Variants in PCDHGB4 observed in about 807,000 individuals in gnomAD.
PCDHGB4 encodes protocadherin gamma-B4.
A neutral mutation model predicts 60.5 loss-of-function variants in PCDHGB4; 38 were observed. That is an observed-to-expected ratio of 0.63 (90% CI 0.48 to 0.82). PCDHGB4 has a LOEUF of 0.82. PCDHGB4 is among the 40% of genes least tolerant of loss of function. PCDHGB4 has a pLI of 0.00. For synonymous variants in PCDHGB4, 456 were observed against 509.7 expected, an observed-to-expected ratio of 0.89 and a Z score of 1.42; for missense variants, 1,109 against 1,209.6, an observed-to-expected ratio of 0.92 and a Z score of 1.23.
chr5:141,494,394 T>C (rs1437164389), intron 1 of PCDHGB4, among the ~76,000 whole-genome samples: 1 of 152,154 alleles, frequency 6.6e-6, no homozygotes, highest in African/African-American at 2.4e-5. Flanking sequence ...GTTGAATAAA[T>C]TCATTCTAGG....
chr5:141,480,077 C>T (rs767048249), intron 1 of PCDHGB4, among the ~76,000 whole-genome samples: 2 of 152,142 alleles, frequency 1.3e-5, no homozygotes, highest in Non-Finnish European at 2.9e-5. Flanking sequence ...AAGATTCATG[C>T]ATGATATAAT....
intron 1 of PCDHGB4, among the ~76,000 whole-genome samples, chr5:141,434,881 A>C (rs1221252749): frequency 6.6e-6 from 1 of 151,958 alleles, no homozygotes; most frequent in Non-Finnish European, 1.5e-5. Context: ...AGATACCAAC[A>C]ACAATCCAGT....
rs767515334 is a variant in PCDHGB4, at chr5:141,403,753, C to A, written c.2397+13472C>A. ...CCTGGCTGCTTACTGCAACAGCCAG[C>A]GACCTGGATGAGGGAATCAACGGAA... is the stretch of plus-strand genomic sequence containing the variant. On this transcript the variant is annotated intron_variant, in intron 1 of 3. Transcript: ENST00000519479. The A allele has an allele frequency of 1.9e-6, 3 of 1,613,502 alleles. No individual in the cohort carries two copies. The Admixed American group carries it at 5.0e-5, about 27-fold the overall frequency.
rs144585584 is a variant in PCDHGB4 at position 141,478,339 on chromosome 5, C to T, written c.2398-16468C>T. 998 of 1,613,918 alleles carry T rather than the reference C, an allele frequency of 6.2e-4. 16 individuals carry two copies. In the East Asian group the frequency reaches 0.019, roughly 31 times the overall value. Reference sequence around the variant, plus strand: ...CACTGTACCGAACACCAGGGCCCTCCTTGCACGCGGACGCCGTGCGGGGAG... The same window carrying T: ...CACTGTACCGAACACCAGGGCCCTCTTTGCACGCGGACGCCGTGCGGGGAG... On this transcript the variant is annotated intron_variant, in intron 1 of 3. Transcript: ENST00000519479.
rs529787438 is a variant in PCDHGB4 at position 141,470,330 on chromosome 5, G to A, written c.2398-24477G>A. Among the ~76,000 whole-genome samples the A allele has an allele frequency of 3.3e-4, 50 of 152,144 alleles. 1 individual carries two copies. The highest frequency in any genetic ancestry group is 1.1e-3 in the African/African-American group (47 of 41,498). ...TTTTCCTCAAATGATCCCATAATTT[G>A]ACCTTAGGAAGCTGTTCAAATAGAC... On this transcript the variant is annotated intron_variant, in intron 1 of 3. Coordinates refer to ENST00000519479, the MANE Select transcript of PCDHGB4 (RefSeq NM_003736.4).
chr5:141,457,972 A>AC (rs1198043621), intron 1 of PCDHGB4, among the ~76,000 whole-genome samples: 4 of 152,218 alleles, frequency 2.6e-5, no homozygotes, highest in African/African-American at 9.6e-5. Flanking sequence ...TTAAAGGGAA[A>AC]CACACCCTTT....
chr5:141,405,090 C>A, intron 1 of PCDHGB4: 1 of 1,613,950 alleles, frequency 6.2e-7, no homozygotes, highest in Non-Finnish European at 8.5e-7. Flanking sequence ...ACGCTGCTGG[C>A]CCTCAGGCTG....
Position 141,489,828 on chromosome 5 carries a change from A to G in PCDHGB4, c.2398-4979A>G. The G allele has an allele frequency of 1.9e-6, 3 of 1,614,010 alleles. No homozygotes were observed. The highest frequency in any genetic ancestry group is 1.1e-5 in the South Asian group (1 of 91,080). ...GGAAGCCATTCCCAGAGCTGGTGCTAGAGCAGCAGCTGGATCGTGAAGCCC... is the reference window on the plus strand; with the variant it reads ...GGAAGCCATTCCCAGAGCTGGTGCTGGAGCAGCAGCTGGATCGTGAAGCCC... On this transcript the variant is annotated intron_variant, in intron 1 of 3. Transcript: ENST00000519479. The surrounding 1 kb of genome is among the most constrained non-coding windows in gnomAD (Gnocchi z 4.5).
chr5:141,423,983 C>T, intron 1 of PCDHGB4: 5 of 1,107,052 alleles, frequency 4.5e-6, no homozygotes, highest in Non-Finnish European at 5.6e-6. Context: ...GTATGAGGCT[C>T]TCAATTTATT....
chr5:141,432,050 C>T lies in PCDHGB4; in HGVS notation c.2397+41769C>T. The stretch of plus-strand genomic sequence containing the variant: ...GACCGCCACTGACCGGGGAACCCCG[C>T]CCCTATCCACGGAAACTCATATCTC... On this transcript the variant is annotated intron_variant, in intron 1 of 3. Transcript: ENST00000519479. The surrounding 1 kb of genome is among the most constrained non-coding windows in gnomAD (Gnocchi z 6.0). The T allele has an allele frequency of 6.2e-7, 1 of 1,614,218 alleles. No individual in the cohort carries two copies. The highest frequency in any genetic ancestry group is 8.5e-7 in the Non-Finnish European group (1 of 1,180,044).
chr5:141,440,464 G>A (rs2003094), intron 1 of PCDHGB4: 3,293 of 152,144 alleles, frequency 0.022, 52 homozygotes, highest in South Asian at 0.038. Context: ...ATGAACAAAC[G>A]GTAGTTGAAA....
chr5:141,419,715 TG>T (rs754309862), intron 1 of PCDHGB4: 1 of 1,613,288 alleles, frequency 6.2e-7, no homozygotes, highest in South Asian at 1.1e-5. Flanking sequence ...CTCTTCAGCC[TG>T]GGGCTGCGAA....
chr5:141,415,982 T>A lies in PCDHGB4; in HGVS notation c.2397+25701T>A, dbSNP rs531852883. The A allele has an allele frequency of 1.9e-4, 66 of 342,492 alleles. 1 individual carries two copies. Among genetic ancestry groups the A allele is most frequent in the African/African-American group, 1.3e-3 (59 of 46,668 alleles). 21.2% of individuals were successfully genotyped at this position (342,492 alleles called of 1,614,324 possible). A position where few individuals can be genotyped will look rare whatever the true frequency, so the allele number is the denominator to read the frequency against. ...AACTCCAGCCCCTTAAGCAACCCTC[T>A]TGTTCTGAAGGCAGGTCTGGTAAGA... On this transcript the variant is annotated intron_variant, in intron 1 of 3. Transcript: ENST00000519479.
intron 1 of PCDHGB4, among the ~76,000 whole-genome samples, chr5:141,463,572 C>T (rs1462125489): frequency 6.6e-6 from 1 of 151,572 alleles, no homozygotes; most frequent in African/African-American, 2.4e-5. Context: ...CCTCAGCCTC[C>T]CGAGTAGCTG....
intron 1 of PCDHGB4, among the ~76,000 whole-genome samples, chr5:141,400,911 CAAAG>C (rs1162228499): frequency 6.6e-6 from 1 of 152,176 alleles, no homozygotes; most frequent in Non-Finnish European, 1.5e-5. Flanking sequence ...TCTTTTAAAG[CAAAG>C]AAACTGCTAG....
intron 1 of PCDHGB4, among the ~76,000 whole-genome samples, chr5:141,463,966 A>C (rs923614502): frequency 4.6e-5 from 7 of 152,196 alleles, no homozygotes; most frequent in African/African-American, 1.7e-4. Context: ...AAATAGCTTC[A>C]TAAAACTCCA....
At chr5:141,465,162 G>A (rs1464525964) in intron 1 of PCDHGB4, among the ~76,000 whole-genome samples, 1 of 151,654 alleles carries the variant, frequency 6.6e-6, no homozygotes, top group Non-Finnish European at 1.5e-5. Context: ...GACTCTAAAT[G>A]TTTATGAAGA....
intron 1 of PCDHGB4, among the ~76,000 whole-genome samples, chr5:141,470,845 G>T (rs1381257094): frequency 1.3e-5 from 2 of 151,972 alleles, no homozygotes; most frequent in African/African-American, 4.8e-5. Flanking sequence ...ACGCCACCAT[G>T]CTCAGATAAG....
chr5:141,490,130 C>A lies in PCDHGB4; in HGVS notation c.2398-4677C>A, dbSNP rs535362535. On this transcript the variant is annotated intron_variant, in intron 1 of 3. Coordinates refer to ENST00000519479, the MANE Select transcript of PCDHGB4 (RefSeq NM_003736.4). The surrounding 1 kb of genome is among the most constrained non-coding windows in gnomAD (Gnocchi z 5.4). ...GTGCGGAACCTCTTTGGCCTAGACC[C>A]TAGCAGTGGGGCAATCCATGTGTTG... 11 of 1,614,242 alleles carry A rather than the reference C, an allele frequency of 6.8e-6. No individual in the cohort carries two copies. In the African/African-American group the frequency reaches 1.3e-4, roughly 20 times the overall value.
Sources: gnomAD v4.1 joint callset for allele counts (sites outside exome capture counted in the v4.1 genomes callset) on GRCh38, gnomAD v4.1.1 for gene constraint, Gnocchi (gnomAD v3.1) non-coding constraint, MANE v1.5 for transcripts, NCBI Gene and HGNC (gene_info 2026-07-23, HGNC 2026-07-21) for gene names.